INVS: variants seen among roughly 807,000 people sequenced by gnomAD.
INVS encodes the protein inversin.
In INVS, 86 loss-of-function variants were observed where a neutral mutation model predicts 108.8. That is an observed-to-expected ratio of 0.79 (90% CI 0.66 to 0.95). The LOEUF is 0.95. Ranked by LOEUF, INVS falls within the 40% of genes least tolerant of loss-of-function variation. The pLI is 0.00. For missense variants in INVS, 1,169 were observed against 1,297.4 expected, an observed-to-expected ratio of 0.90 and a Z score of 1.52; for synonymous variants, 455 against 473.5, an observed-to-expected ratio of 0.96 and a Z score of 0.51.
chr9:100,183,631 A>G (rs535565829), intron 3 of INVS, among the ~76,000 whole-genome samples: 3 of 152,124 alleles, frequency 2.0e-5, no homozygotes, highest in Admixed American at 6.6e-5. Context: ...CGTCTCTACT[A>G]AAATACAAAA....
rs1285300044 is a variant in INVS, at chr9:100,296,929, G to A, written c.2799G>A (p.Arg933=). 6.2e-7 allele frequency: 1 copy of A among 1,613,902 alleles called. No individual in the cohort carries two copies. The highest frequency in any genetic ancestry group is 8.5e-7 in the Non-Finnish European group (1 of 1,179,974). The stretch of plus-strand genomic sequence containing the variant: ...CTGACCCAACCAGCTACCAGCTCAG[G>A]AAGCACCTGTCCCACCTTCGGCATA... ...IQRAWRSYQL[R]KHLSHLRHMK... is the part of the protein sequence containing the mutation. The change falls in exon 15 of 17, where the codon AGG becomes AGA. Residue 933 remains arginine (R), a synonymous_variant. Coordinates refer to ENST00000262457, the MANE Select transcript of INVS (RefSeq NM_014425.5).
At chr9:100,199,186 A>G (rs1830468078) in intron 3 of INVS, among the ~76,000 whole-genome samples, 1 of 152,074 alleles carries the variant, frequency 6.6e-6, no homozygotes, top group Non-Finnish European at 1.5e-5. Context: ...CTACTAATGT[A>G]GCCACTCCAA....
intron 13 of INVS, among the ~76,000 whole-genome samples, chr9:100,290,244 C>T (rs1833570520): frequency 6.6e-6 from 1 of 152,220 alleles, no homozygotes; most frequent in South Asian, 2.1e-4. Context: ...CTTTCCACCT[C>T]TTTCCCACTC....
chr9:100,227,721 A>G (rs1486801878), intron 4 of INVS, among the ~76,000 whole-genome samples: 1 of 151,964 alleles, frequency 6.6e-6, no homozygotes, highest in East Asian at 1.9e-4. Flanking sequence ...AAAATCACAG[A>G]CTGTGCAAAA....
At chr9:100,281,250 A>C (rs1048896290) in intron 12 of INVS, among the ~76,000 whole-genome samples, 2 of 152,180 alleles carry the variant, frequency 1.3e-5, no homozygotes, top group African/African-American at 4.8e-5. Flanking sequence ...AGCCTTGGGT[A>C]AGTCACTTAC....
intron 10 of INVS, among the ~76,000 whole-genome samples, chr9:100,260,003 C>T (rs1832565785): frequency 6.6e-6 from 1 of 150,812 alleles, no homozygotes; most frequent in Non-Finnish European, 1.5e-5. Context: ...TCCTGAGTAG[C>T]TGGGATTACA....
At chr9:100,280,565 C>T (rs1423972616) in intron 12 of INVS, among the ~76,000 whole-genome samples, 22 of 151,714 alleles carry the variant, frequency 1.5e-4, no homozygotes, top group Admixed American at 1.3e-3. Flanking sequence ...AATAATTTTC[C>T]TGCAGAAATG....
intron 3 of INVS, among the ~76,000 whole-genome samples, chr9:100,153,875 C>G (rs1419385811): frequency 6.6e-6 from 1 of 152,166 alleles, no homozygotes; most frequent in Non-Finnish European, 1.5e-5. Context: ...GGGCAGAGCC[C>G]CAATGGCCTA....
intron 2 of INVS, chr9:100,117,295 C>A: frequency 1.4e-6 from 1 of 729,184 alleles, no homozygotes. Flanking sequence ...GGGTCTGCTT[C>A]TGCACCGGCG....
chr9:100,216,225 G>C (rs1483034165), intron 3 of INVS, among the ~76,000 whole-genome samples: 1 of 152,200 alleles, frequency 6.6e-6, no homozygotes, highest in Non-Finnish European at 1.5e-5. Flanking sequence ...CTACAGTACT[G>C]TTAGCAGACC....
intron 3 of INVS, among the ~76,000 whole-genome samples, chr9:100,214,054 G>A (rs1830914802): frequency 6.6e-6 from 1 of 152,134 alleles, no homozygotes; most frequent in African/African-American, 2.4e-5. Flanking sequence ...CTTACCAAGA[G>A]AGACTAGGAC....
In INVS at chr9:100,099,282, G is replaced by A; in HGVS notation, c.-159G>A. The A allele has an allele frequency of 6.2e-6, 1 of 161,780 alleles. No individual in the cohort carries two copies. The highest frequency in any genetic ancestry group is 1.3e-4 in the South Asian group (1 of 7,584). The allele number at this position is 161,780 out of a possible 1,614,324, so 10.0% of individuals were successfully genotyped here. A position where few individuals can be genotyped will look rare whatever the true frequency, so the allele number is the denominator to read the frequency against. On this transcript the variant is annotated 5_prime_UTR_variant, in exon 1 of 17. Transcript: ENST00000262457. ...CCGAAAGCCTCGGGCGGCCTTTTGAGGGGCTCGGCTAGCTTCAGCGCCGTG... is the reference window on the plus strand; with the variant it reads ...CCGAAAGCCTCGGGCGGCCTTTTGAAGGGCTCGGCTAGCTTCAGCGCCGTG...
At chr9:100,213,569 C>G (rs959736113) in intron 3 of INVS, among the ~76,000 whole-genome samples, 3 of 151,870 alleles carry the variant, frequency 2.0e-5, no homozygotes, top group Non-Finnish European at 4.4e-5. Flanking sequence ...GAGATTTTAC[C>G]CTAAATATAA....
intron 3 of INVS, among the ~76,000 whole-genome samples, chr9:100,182,161 G>T (rs920021471): frequency 1.3e-5 from 2 of 151,910 alleles, no homozygotes; most frequent in African/African-American, 4.8e-5. Flanking sequence ...CCATAAAAAC[G>T]CTAGAAGAAA....
intron 3 of INVS, among the ~76,000 whole-genome samples, chr9:100,150,724 A>G (rs1828782711): frequency 6.6e-6 from 1 of 152,142 alleles, no homozygotes; most frequent in South Asian, 2.1e-4. Flanking sequence ...ATGAGAGGGA[A>G]TCAGGATGAT....
rs115401137 is a variant in INVS at position 100,292,517 on chromosome 9, G to A, written c.2260G>A (p.Asp754Asn). The A allele has an allele frequency of 3.1e-6, 5 of 1,614,180 alleles. No homozygotes were observed. In the East Asian group the frequency reaches 6.7e-5, roughly 22 times the overall value. ...QPSCIRVAGP[D>N]EKGEDSRRAA... is the part of the protein sequence containing the mutation. ...CTCCTGTATCAGGGTGGCTGGGCCT[G>A]ATGAGAAAGGAGAGGACTCCAGGCG... Residue 754 changes from aspartate (D) to asparagine (N), a missense_variant, in exon 14 of 17, where the codon GAT becomes AAT. Around this residue, in one of 3 missense-constraint regions of INVS, gnomAD observed 533 missense variants for 536.0 expected, o/e 0.99. Coordinates refer to ENST00000262457, the MANE Select transcript of INVS (RefSeq NM_014425.5).
At chr9:100,195,790 A>C (rs1830356395) in intron 3 of INVS, among the ~76,000 whole-genome samples, 1 of 152,186 alleles carries the variant, frequency 6.6e-6, no homozygotes, top group African/African-American at 2.4e-5. Context: ...ACCTGGCCAC[A>C]TCAATTGATT....
At chr9:100,226,027 C>T in intron 3 of INVS, 35 bp from the exon 4 acceptor site, 3 of 1,534,774 alleles carry the variant, frequency 2.0e-6, no homozygotes, top group Non-Finnish European at 2.7e-6. Context: ...CCCCATAGTA[C>T]ATTTTTTTCT....
At chr9:100,126,726 C>T (rs1444082846) in intron 3 of INVS, among the ~76,000 whole-genome samples, 177 bp downstream of exon 3, 4 of 152,160 alleles carry the variant, frequency 2.6e-5, no homozygotes, top group Non-Finnish European at 5.9e-5. Context: ...AGATAACTAT[C>T]AGCGGCTGCA....
Sources: gnomAD v4.1 joint callset for allele counts (sites outside exome capture counted in the v4.1 genomes callset) on GRCh38, gnomAD v4.1.1 for gene constraint, gnomAD v4.1.1 regional missense constraint, MANE v1.5 for transcripts, NCBI Gene and HGNC (gene_info 2026-07-23, HGNC 2026-07-21) for gene names.